The following ANO2 variants were observed in gnomAD, a reference collection of about 807,000 sequenced individuals.
The protein encoded by ANO2 is anoctamin 2.
In ANO2, 101 loss-of-function variants were observed where a neutral mutation model predicts 124.2. That is an observed-to-expected ratio of 0.81 (90% confidence interval 0.69 to 0.96). ANO2 has a LOEUF of 0.96. ANO2 is among the 40% of genes least tolerant of loss of function. ANO2 has a pLI of 0.00. For missense variants in ANO2, 1,293 were observed against 1,274.5 expected (o/e 1.01, Z -0.22); for synonymous variants, 486 against 482.5 (o/e 1.01, Z -0.09).
At chr12:5,663,088 T>C (rs1947529072) in intron 14 of ANO2, among the ~76,000 whole-genome samples, 1 of 152,218 alleles carries the variant, frequency 6.6e-6, no homozygotes, top group Non-Finnish European at 1.5e-5. Context: ...CCTTCCTGCG[T>C]GGCCTGCAGG....
chr12:5,686,136 C>T (rs1948696670), intron 14 of ANO2, among the ~76,000 whole-genome samples: 1 of 152,146 alleles, frequency 6.6e-6, no homozygotes, highest in Non-Finnish European at 1.5e-5. Flanking sequence ...GGGTAGCTCT[C>T]GAGAACAGTA....
At chr12:5,756,740 A>G (rs1489364079) in intron 10 of ANO2, among the ~76,000 whole-genome samples, 1 of 149,116 alleles carries the variant, frequency 6.7e-6, no homozygotes, top group Non-Finnish European at 1.5e-5. Context: ...TGCGCCACAG[A>G]CAGAGATTCT....
intron 12 of ANO2, among the ~76,000 whole-genome samples, chr12:5,742,551 G>A (rs1468530759): frequency 2.0e-5 from 3 of 152,160 alleles, no homozygotes; most frequent in Admixed American, 2.0e-4. Flanking sequence ...CAAAGGAAGA[G>A]AAGAGGCAGT....
chr12:5,918,526 A>C (rs1364952077), intron 3 of ANO2, among the ~76,000 whole-genome samples: 4 of 140,592 alleles, frequency 2.8e-5, no homozygotes, highest in Admixed American at 7.6e-5. Context: ...TGCAACCTCC[A>C]CCTCCCGGGT....
At chr12:5,923,063 C>CACACACACGCACACACACAT (rs1565783273) in intron 1 of ANO2, among the ~76,000 whole-genome samples, 8 of 121,074 alleles carry the variant, frequency 6.6e-5, no homozygotes, top group African/African-American at 2.6e-4. Context: ...CACCCACATA[C>CACACACACGCACACACACAT]ACACACACAT....
At chr12:5,945,898 G>A (rs889492031), upstream of ANO2, among the ~76,000 whole-genome samples, 20 of 152,198 alleles carry the variant, frequency 1.3e-4, no homozygotes, top group African/African-American at 4.8e-4. Context: ...TGAGACGCTA[G>A]GAGGGTTAAG....
At chr12:5,783,975 A>C (rs1399040577) in intron 10 of ANO2, among the ~76,000 whole-genome samples, 1 of 152,180 alleles carries the variant, frequency 6.6e-6, no homozygotes, top group Non-Finnish European at 1.5e-5. Context: ...TTTCTACTTA[A>C]AATCCTTCTA....
intron 10 of ANO2, among the ~76,000 whole-genome samples, chr12:5,757,580 A>G (rs950829967): frequency 1.6e-4 from 25 of 152,206 alleles, no homozygotes; most frequent in Non-Finnish European, 2.8e-4. Context: ...AATAGGATCT[A>G]TTTACCCACC....
chr12:5,885,807 G>A (rs2137305129), intron 3 of ANO2, among the ~76,000 whole-genome samples: 1 of 152,282 alleles, frequency 6.6e-6, no homozygotes, highest in African/African-American at 2.4e-5. Flanking sequence ...GCCTCCTTCT[G>A]GAAGACAGAC....
In ANO2 at chr12:5,911,189, C is replaced by T. The variant is rs1941025683; in HGVS notation, c.534+9851G>A. Among the ~76,000 whole-genome samples the T allele has an allele frequency of 2.0e-5, 3 of 152,156 alleles. No individual in the cohort carries two copies. The South Asian group carries it at 6.2e-4, about 32-fold the overall frequency. On this transcript the variant is annotated intron_variant, in intron 3 of 24. Transcript: ENST00000682330. ...GTCTGCTTCCCTTGAAAGCAGGGGC[C>T]ATGTCTTATTCACCTCAGCATCCTC... is the stretch of plus-strand genomic sequence containing the variant.
At chr12:5,803,521 T>C (rs1953106923) in intron 9 of ANO2, among the ~76,000 whole-genome samples, 1 of 152,100 alleles carries the variant, frequency 6.6e-6, no homozygotes, top group African/African-American at 2.4e-5. Flanking sequence ...TTCTCCCCTG[T>C]AAGTGGGTGA....
chr12:5,803,002 C>T (rs1027916989), intron 9 of ANO2, among the ~76,000 whole-genome samples: 2 of 152,220 alleles, frequency 1.3e-5, no homozygotes, highest in African/African-American at 2.4e-5. Flanking sequence ...TATGAAGGAA[C>T]TCAAGTGTTA....
chr12:5,770,038 C>T (rs2137118821), intron 10 of ANO2, among the ~76,000 whole-genome samples: 1 of 152,280 alleles, frequency 6.6e-6, no homozygotes, highest in East Asian at 1.9e-4. Context: ...AAAGGTGAAA[C>T]ATCTTGCCCA....
At chr12:5,610,913 C>T (rs1174832898) in intron 19 of ANO2, among the ~76,000 whole-genome samples, 1 of 146,262 alleles carries the variant, frequency 6.8e-6, no homozygotes, top group Non-Finnish European at 1.5e-5. Context: ...CATCTTGTAA[C>T]ATATGATGGT....
chr12:5,617,849 T>G (rs560383339), intron 16 of ANO2, among the ~76,000 whole-genome samples: 1 of 152,218 alleles, frequency 6.6e-6, no homozygotes, highest in Non-Finnish European at 1.5e-5. Context: ...CGTTATGCTT[T>G]ATATGTCCCT....
rs1194711171 is a variant in ANO2, at chr12:5,726,961, C to G, written c.1545+5559G>C. Among the ~76,000 whole-genome samples the G allele has an allele frequency of 3.9e-5, 6 of 152,172 alleles. No homozygotes were observed. In the East Asian group the frequency reaches 1.2e-3, roughly 29 times the overall value. ...CTGCCTGGTAATGGTACCATAACTC[C>G]TACCCCGGGGTCCTTATATATGGTT... On this transcript the variant is annotated intron_variant, in intron 14 of 24. Coordinates refer to ENST00000682330, the MANE Select transcript of ANO2 (RefSeq NM_001364791.2).
intron 4 of ANO2, among the ~76,000 whole-genome samples, chr12:5,846,641 G>T (rs997337500): frequency 6.6e-6 from 1 of 152,170 alleles, no homozygotes; most frequent in Non-Finnish European, 1.5e-5. Context: ...AGGCTGTAAG[G>T]GAAAAATTAT....
intron 3 of ANO2, among the ~76,000 whole-genome samples, chr12:5,920,822 ACACC>A (rs1941655291): frequency 6.6e-6 from 1 of 152,130 alleles, no homozygotes; most frequent in Non-Finnish European, 1.5e-5. Flanking sequence ...AGCCAAGATC[ACACC>A]ACTGCACTCC....
At chr12:5,928,196 T>A (rs1012919138) in intron 1 of ANO2, among the ~76,000 whole-genome samples, 1 of 152,122 alleles carries the variant, frequency 6.6e-6, no homozygotes, top group Non-Finnish European at 1.5e-5. Context: ...CAGTTGGGCT[T>A]TTCCTCTGAG....
Sources: gnomAD v4.1 joint callset for allele counts (sites outside exome capture counted in the v4.1 genomes callset) on GRCh38, gnomAD v4.1.1 for gene constraint, MANE v1.5 for transcripts, NCBI Gene and HGNC (gene_info 2026-07-23, HGNC 2026-07-21) for gene names.